TTLL4: variants seen among roughly 807,000 people sequenced by gnomAD.
TTLL4 encodes the protein tubulin monoglutamylase TTLL4.
A neutral mutation model predicts 122.7 loss-of-function variants in TTLL4; 85 were observed. That is an observed-to-expected ratio of 0.69 (90% CI 0.58 to 0.83). The LOEUF (loss-of-function observed/expected upper bound fraction) is 0.83. Ranked by LOEUF, TTLL4 falls within the 40% of genes least tolerant of loss-of-function variation. The probability of loss-of-function intolerance (pLI) is 0.00; values close to 1 mark genes in which losing one functional copy is unlikely to be tolerated. For missense variants in TTLL4, 1,363 were observed against 1,488.6 expected (o/e 0.92, Z 1.39); for synonymous variants, 553 against 563.0 (o/e 0.98, Z 0.25).
chr2:218,715,194 C>A (rs896205847), intron 1 of TTLL4, among the ~76,000 whole-genome samples: 1 of 152,170 alleles, frequency 6.6e-6, no homozygotes, highest in Non-Finnish European at 1.5e-5. Context: ...TCATATGTTT[C>A]TCCAGTCTAT....
chr2:218,724,076 A>G (rs1942118578), intron 1 of TTLL4, among the ~76,000 whole-genome samples: 1 of 152,218 alleles, frequency 6.6e-6, no homozygotes, highest in Non-Finnish European at 1.5e-5. Context: ...AAACATTTCA[A>G]AAACCAGTTC....
At chr2:218,722,447 A>G (rs1387886531) in intron 1 of TTLL4, among the ~76,000 whole-genome samples, 1 of 152,110 alleles carries the variant, frequency 6.6e-6, no homozygotes, top group East Asian at 1.9e-4. Context: ...AAACAAGGTA[A>G]TGAAATAGGG....
intron 1 of TTLL4, among the ~76,000 whole-genome samples, chr2:218,715,037 A>G (rs1941819552): frequency 6.6e-6 from 1 of 152,276 alleles, no homozygotes; most frequent in Non-Finnish European, 1.5e-5. Context: ...TAACACAAAC[A>G]GCATTTCTAA....
At chr2:218,748,699 T>G in intron 12 of TTLL4, 137 bp from the exon 13 acceptor site, 1 of 656,054 alleles carries the variant, frequency 1.5e-6, no homozygotes, top group East Asian at 2.9e-5. Context: ...TGCATCCAAG[T>G]TCATCTCTTT....
At chr2:218,742,496 T>C (rs1242822061) in intron 5 of TTLL4, among the ~76,000 whole-genome samples, 3 of 152,152 alleles carry the variant, frequency 2.0e-5, no homozygotes, top group Non-Finnish European at 4.4e-5. Context: ...TCATGTAATT[T>C]TAGAGATGGA....
chr2:218,739,746 A>G (rs1487784740), intron 3 of TTLL4, among the ~76,000 whole-genome samples: 1 of 152,230 alleles, frequency 6.6e-6, no homozygotes, highest in Non-Finnish European at 1.5e-5. Context: ...TGGCCTAGGG[A>G]CATTTCAAGT....
chr2:218,747,449 C>A lies in TTLL4; in HGVS notation c.2249+77C>A. The stretch of plus-strand genomic sequence containing the variant: ...GAGGTTCCCTTCTTACAATGTTCTG[C>A]CCTTTGTTCTCCCAGCCAAAGAGCT... On this transcript the variant is annotated intron_variant, in intron 10 of 19. Coordinates refer to ENST00000392102, the MANE Select transcript of TTLL4 (RefSeq NM_014640.5). This position sits in a 1 kb window ranked among gnomAD's most constrained non-coding sequence, Gnocchi z 4.7. 6.3e-7 allele frequency: 1 copy of A among 1,576,756 alleles called. No homozygotes were observed.
chr2:218,748,017 A>G, intron 11 of TTLL4, 88 bp from the exon 12 acceptor site: 1 of 1,542,874 alleles, frequency 6.5e-7, no homozygotes, highest in East Asian at 2.2e-5. Flanking sequence ...CTTGTTCTAC[A>G]CCTCTTCAGG....
chr2:218,732,359 G>A (rs1015010731), intron 2 of TTLL4, among the ~76,000 whole-genome samples: 2 of 152,092 alleles, frequency 1.3e-5, no homozygotes, highest in South Asian at 2.1e-4. Context: ...TACTTCCTGG[G>A]AGATGAGCAG....
At chr2:218,740,847 C>T (rs6711503) in intron 5 of TTLL4, among the ~76,000 whole-genome samples, 3,694 of 151,756 alleles carry the variant, frequency 0.024, 151 homozygotes, top group African/African-American at 0.085. Flanking sequence ...CTGAGGCAGG[C>T]GGATCTCCTG....
In TTLL4 at chr2:218,753,174, TC is replaced by T; in HGVS notation, c.3248del (p.Ser1083LeufsTer12). ...GTTCCACATGGGAGTTGTCTCTGAT[TC>T]TGCTCCAGTGGTGAGTGCTGCCAGT... ...KGFHMGVVSD[S>X]APVWSLPTSL... On this transcript the variant is annotated frameshift_variant, in exon 18 of 20. Coordinates refer to ENST00000392102, the MANE Select transcript of TTLL4 (RefSeq NM_014640.5). LOFTEE classifies it high-confidence loss of function. 6.2e-7 allele frequency: 1 copy of T among 1,614,208 alleles called. No homozygotes were observed. Among genetic ancestry groups the T allele is most frequent in the Non-Finnish European group, 8.5e-7 (1 of 1,180,024 alleles).
At chr2:218,711,547 A>G (rs1483154071) in intron 1 of TTLL4, among the ~76,000 whole-genome samples, 1 of 152,216 alleles carries the variant, frequency 6.6e-6, no homozygotes, top group Non-Finnish European at 1.5e-5. Flanking sequence ...CAATTCCTTT[A>G]TTTAATCATT....
chr2:218,732,649 ACTT>A (rs1942413062), intron 2 of TTLL4, among the ~76,000 whole-genome samples: 1 of 152,060 alleles, frequency 6.6e-6, no homozygotes, highest in Non-Finnish European at 1.5e-5. Context: ...CACTTCCTTC[ACTT>A]CTTAGATTTT....
downstream of TTLL4, chr2:218,755,532 CG>C (rs1943135288): frequency 6.6e-6 from 1 of 152,142 alleles, no homozygotes; most frequent in South Asian, 2.1e-4. Flanking sequence ...ACAGCACAAG[CG>C]GAAGAGTTCG....
In TTLL4 at chr2:218,728,619, C is replaced by T. The variant is rs78033572; in HGVS notation, c.-99+1272C>T. ...GACCCTGCTTTGGAGCACTGCCCTT[C>T]GCAAATGGAGGAGGTCCCAAATGGT... is the stretch of plus-strand genomic sequence containing the variant. On this transcript the variant is annotated intron_variant, in intron 2 of 19. Coordinates refer to ENST00000392102, the MANE Select transcript of TTLL4 (RefSeq NM_014640.5). 3.2e-3 allele frequency among the ~76,000 whole-genome samples: 483 copies of T among 152,256 alleles called. 1 individual carries two copies. Among genetic ancestry groups the T allele is most frequent in the African/African-American group, 0.011 (459 of 41,556 alleles).
intron 8 of TTLL4, 149 bp downstream of exon 8, chr2:218,746,380 G>A: frequency 1.3e-6 from 1 of 757,786 alleles, no homozygotes; most frequent in Non-Finnish European, 2.2e-6. Context: ...ACAGGACGGG[G>A]GTACAGTGAG....
rs1943084134 is a variant in TTLL4, at chr2:218,753,642, T to G, written c.3317T>G (p.Phe1106Cys). Residue 1106 changes from phenylalanine (F) to cysteine (C), a missense_variant, in exon 19 of 20, where the codon TTC becomes TGC. Phe to Cys is a radical substitution (Grantham distance 205). Around this residue, in one of 3 missense-constraint regions of TTLL4, gnomAD observed 596 missense variants for 655.8 expected, o/e 0.91. Transcript: ENST00000392102. ...ISKDDVILNA[F>C]SKSETSKLGK... ...AAGGATGACGTGATACTCAATGCCTTCAGCAAATCAGAGACTAGCAAGCTG... is the reference window on the plus strand; with the variant it reads ...AAGGATGACGTGATACTCAATGCCTGCAGCAAATCAGAGACTAGCAAGCTG... The G allele has an allele frequency of 2.5e-6, 4 of 1,614,012 alleles. No homozygotes were observed. Among genetic ancestry groups the G allele is most frequent in the Non-Finnish European group, 3.4e-6 (4 of 1,180,040 alleles).
rs188152164 is a variant in TTLL4 at position 218,748,611 on chromosome 2, C to T, written c.2502-225C>T. 260 of 465,406 alleles carry T rather than the reference C, an allele frequency of 5.6e-4. 3 individuals are homozygous for T. Among genetic ancestry groups the T allele is most frequent in the African/African-American group, 3.4e-3 (167 of 48,768 alleles). The allele number at this position is 465,406 out of a possible 1,614,324, so 28.8% of individuals were successfully genotyped here. A position where few individuals can be genotyped will look rare whatever the true frequency, so the allele number is the denominator to read the frequency against. Reference sequence around the variant, plus strand: ...CGGAGGTTGCAGTGAGCTGAGATCGCGCCACTTCACTCCAGCCTGTGTGAA... The same window carrying T: ...CGGAGGTTGCAGTGAGCTGAGATCGTGCCACTTCACTCCAGCCTGTGTGAA... On this transcript the variant is annotated intron_variant, in intron 12 of 19. Transcript: ENST00000392102.
At position 218,738,964 on chromosome 2, in the gene TTLL4, G is replaced by A. The variant is rs1189441199; in HGVS notation, c.1288G>A (p.Gly430Arg). 6.2e-7 allele frequency: 1 copy of A among 1,614,180 alleles called. No individual in the cohort carries two copies. Among genetic ancestry groups the A allele is most frequent in the Admixed American group, 1.7e-5 (1 of 60,018 alleles). Residue 430 changes from glycine to arginine, a missense_variant, in exon 3 of 20, where the codon GGG (glycine) becomes AGG (arginine). This residue lies in a region of TTLL4 where 760 missense variants were observed against 808.4 expected (regional missense o/e 0.94). Transcript: ENST00000392102. ...TCACCTCCTTGCCTCACATGCCAGT[G>A]GGCTCAATCACAACCCTGCCTGTGA... is the stretch of plus-strand genomic sequence containing the variant. ...SIHLLASHAS[G>R]LNHNPACESV...
Sources: allele counts gnomAD v4.1 joint callset (sites outside exome capture counted in the v4.1 genomes callset), GRCh38; gene constraint gnomAD v4.1.1; regional missense constraint gnomAD v4.1.1; non-coding constraint Gnocchi (gnomAD v3.1); transcripts MANE v1.5; gene names NCBI Gene and HGNC (gene_info 2026-07-23, HGNC 2026-07-21).